SAMD12: variants seen among roughly 807,000 people sequenced by gnomAD.
SAMD12 encodes the protein sterile alpha motif domain containing 12.
A neutral mutation model predicts 15.0 loss-of-function variants in SAMD12; 9 were observed. The observed-to-expected ratio is 0.60, with a 90% confidence interval of 0.36 to 1.05. The LOEUF (loss-of-function observed/expected upper bound fraction) is 1.05. SAMD12 is among the 50% of genes least tolerant of loss of function. The pLI, the probability that SAMD12 is intolerant of heterozygous loss-of-function variation, is 0.01. For synonymous variants in SAMD12, 86 were observed against 90.1 expected, an observed-to-expected ratio of 0.96 and a Z score of 0.25; for missense variants, 230 against 234.2, an observed-to-expected ratio of 0.98 and a Z score of 0.12.
intron 2 of SAMD12, among the ~76,000 whole-genome samples, chr8:118,556,707 G>A (rs1233339064): frequency 4.6e-5 from 7 of 152,166 alleles, no homozygotes; most frequent in Non-Finnish European, 8.8e-5. Flanking sequence ...GCTCATGCCT[G>A]TAATCCCAGT....
At chr8:118,379,834 C>A (rs944729489) in intron 3 of SAMD12, 134 bp from the exon 4 acceptor site, 10 of 1,099,298 alleles carry the variant, frequency 9.1e-6, no homozygotes, top group Middle Eastern at 3.0e-4. Context: ...TAAAGGTCTT[C>A]CATTATTATT....
chr8:118,301,683 A>T (rs1815033516), intron 4 of SAMD12, among the ~76,000 whole-genome samples: 1 of 152,190 alleles, frequency 6.6e-6, no homozygotes, highest in Non-Finnish European at 1.5e-5. Flanking sequence ...GATATATTTT[A>T]TTTTTTATTA....
At chr8:118,582,115 G>A (rs1037294160) in intron 1 of SAMD12, among the ~76,000 whole-genome samples, 1 of 152,082 alleles carries the variant, frequency 6.6e-6, no homozygotes, top group Non-Finnish European at 1.5e-5. Flanking sequence ...GAGGGATGAG[G>A]CAGGCTTCCC....
chr8:118,308,752 A>T (rs1563751857), intron 4 of SAMD12, among the ~76,000 whole-genome samples: 1 of 151,660 alleles, frequency 6.6e-6, no homozygotes, highest in Non-Finnish European at 1.5e-5. Context: ...CTTAGTTCAG[A>T]CCCCTCTACT....
At chr8:118,253,353 C>A (rs1183415354) in intron 4 of SAMD12, among the ~76,000 whole-genome samples, 2 of 152,122 alleles carry the variant, frequency 1.3e-5, no homozygotes, top group African/African-American at 4.8e-5. Context: ...GGAATAGGGG[C>A]AATACATATT....
At chr8:118,582,773 A>G (rs1827328934) in intron 1 of SAMD12, among the ~76,000 whole-genome samples, 1 of 152,206 alleles carries the variant, frequency 6.6e-6, no homozygotes, top group South Asian at 2.1e-4. Flanking sequence ...ACGATTTCAT[A>G]TTACACATGG....
chr8:118,278,329 C>T (rs914763659), intron 4 of SAMD12, among the ~76,000 whole-genome samples: 1 of 152,180 alleles, frequency 6.6e-6, no homozygotes, highest in Non-Finnish European at 1.5e-5. Flanking sequence ...CATGAACAAC[C>T]CAAGAGTGCC....
intron 2 of SAMD12, among the ~76,000 whole-genome samples, chr8:118,476,263 A>T (rs1272764938): frequency 1.3e-5 from 2 of 152,118 alleles, no homozygotes; most frequent in Non-Finnish European, 2.9e-5. Flanking sequence ...TCCCCCTCAA[A>T]GTCTAGGTAA....
At chr8:118,297,550 A>G (rs767646089) in intron 4 of SAMD12, among the ~76,000 whole-genome samples, 103 of 152,230 alleles carry the variant, frequency 6.8e-4, no homozygotes, top group Non-Finnish European at 1.2e-3. Context: ...AGATGTAAAA[A>G]CAATTCGACA....
chr8:118,315,616 G>T (rs529757838), intron 4 of SAMD12, among the ~76,000 whole-genome samples: 15 of 152,230 alleles, frequency 9.9e-5, no homozygotes, highest in South Asian at 6.2e-4. Flanking sequence ...TTGAGGGCTC[G>T]GGATAAGTGT....
downstream of SAMD12, among the ~76,000 whole-genome samples, chr8:118,185,731 C>A (rs1263515287): frequency 6.6e-6 from 1 of 152,218 alleles, no homozygotes; most frequent in Non-Finnish European, 1.5e-5. Context: ...GGTTATGCAA[C>A]TGTTCCCCCT....
intron 1 of SAMD12, among the ~76,000 whole-genome samples, chr8:118,594,215 G>A (rs150088941): frequency 2.0e-5 from 3 of 151,798 alleles, no homozygotes; most frequent in African/African-American, 7.3e-5. Flanking sequence ...GGAAGCTCTC[G>A]GTGGTCCTCA....
chr8:118,342,231 G>T (rs1346720743), intron 4 of SAMD12, among the ~76,000 whole-genome samples: 1 of 126,562 alleles, frequency 7.9e-6, no homozygotes, highest in Non-Finnish European at 1.6e-5. Flanking sequence ...AGTGGGGGTT[G>T]CAGTGAGTCG....
chr8:118,196,430 C>CTA (rs1819564680), exon 5 of SAMD12: 1 of 152,050 alleles, frequency 6.6e-6, no homozygotes, highest in Non-Finnish European at 1.5e-5. Context: ...GAACATGTCT[C>CTA]TAATGCTCAA....
the SAMD12 span, among the ~76,000 whole-genome samples, chr8:118,182,663 C>T: frequency 6.6e-6 from 1 of 152,126 alleles, no homozygotes; most frequent in Non-Finnish European, 1.5e-5. Flanking sequence ...TGAAATTATA[C>T]CATGTGAGGG....
chr8:118,282,560 G>T (rs1813701745), intron 4 of SAMD12, among the ~76,000 whole-genome samples: 3 of 152,166 alleles, frequency 2.0e-5, no homozygotes, highest in Admixed American at 2.0e-4. Context: ...CCTCAGCAGT[G>T]AGTGCTGTAA....
At chr8:118,376,736 A>G (rs1586628062), downstream of SAMD12, among the ~76,000 whole-genome samples, 1 of 152,076 alleles carries the variant, frequency 6.6e-6, no homozygotes, top group African/African-American at 2.4e-5. Flanking sequence ...GGGAAGCCCA[A>G]GGATTTCCAA....
chr8:118,232,076 A>G (rs1004672644), intron 4 of SAMD12, among the ~76,000 whole-genome samples: 8 of 152,212 alleles, frequency 5.3e-5, no homozygotes, highest in African/African-American at 1.9e-4. Flanking sequence ...ATAAAAGTAT[A>G]GTGTATTGGA....
At chr8:118,473,804 A>T (rs955609773) in intron 2 of SAMD12, among the ~76,000 whole-genome samples, 5 of 151,924 alleles carry the variant, frequency 3.3e-5, no homozygotes, top group Non-Finnish European at 5.9e-5. Context: ...GACATGGCAC[A>T]CTCTCTAGAA....
Sources: allele counts gnomAD v4.1 joint callset (sites outside exome capture counted in the v4.1 genomes callset), GRCh38; gene constraint gnomAD v4.1.1; transcripts MANE v1.5; gene names NCBI Gene and HGNC (gene_info 2026-07-23, HGNC 2026-07-21).